Variants in AMD1 observed in about 807,000 individuals in gnomAD.
AMD1 encodes adenosylmethionine decarboxylase 1, also known as S-adenosylmethionine decarboxylase proenzyme.
A neutral mutation model predicts 40.2 loss-of-function variants in AMD1; 11 were observed. That is an observed-to-expected ratio of 0.27 (90% CI 0.17 to 0.45). The LOEUF is 0.45. AMD1 is among the 20% of genes least tolerant of loss of function. AMD1 has a pLI of 1.00. For synonymous variants in AMD1, 121 were observed against 130.8 expected (o/e 0.93, Z 0.51); for missense variants, 257 against 410.2 (o/e 0.63, Z 3.23).
intron 1 of AMD1, among the ~76,000 whole-genome samples, chr6:110,882,971 A>G (rs1314280078): frequency 2.0e-5 from 3 of 152,236 alleles, no homozygotes; most frequent in South Asian, 2.1e-4. Flanking sequence ...AATTAAAAAT[A>G]TATTAGTAAG....
Position 110,892,213 on chromosome 6 carries a change from A to T in AMD1, c.470+10A>T. 6.2e-7 allele frequency: 1 copy of T among 1,613,810 alleles called. No homozygotes were observed. Among genetic ancestry groups the T allele is most frequent in the East Asian group, 2.2e-5 (1 of 44,866 alleles). On this transcript the variant is annotated intron_variant, in intron 5 of 8. Coordinates refer to ENST00000368885, the MANE Select transcript of AMD1 (RefSeq NM_001634.6). ...TGAATTCTGACTGTTGGTATGTTTA[A>T]TGCAATTTTGTGGATTTTTGTTGTC... is the stretch of plus-strand genomic sequence containing the variant.
the AMD1 span, among the ~76,000 whole-genome samples, chr6:110,857,676 C>CAT: frequency 0.31 from 42,379 of 134,732 alleles, 7,212 homozygotes; most frequent in East Asian, 0.67. Flanking sequence ...ATACAGATGG[C>CAT]ATATATATAT....
chr6:110,834,832 C>A, the AMD1 span, among the ~76,000 whole-genome samples: 1 of 151,160 alleles, frequency 6.6e-6, no homozygotes, highest in Non-Finnish European at 1.5e-5. Flanking sequence ...GCCTGTAATC[C>A]CAGCTACTTG....
upstream of AMD1, among the ~76,000 whole-genome samples, chr6:110,873,940 A>C (rs1784968474): frequency 6.6e-6 from 1 of 152,250 alleles, no homozygotes; most frequent in African/African-American, 2.4e-5. Flanking sequence ...ATAAGTTCAG[A>C]TTATATTTAA....
At chr6:110,814,852 C>T in the AMD1 span, 10 of 947,184 alleles carry the variant, frequency 1.1e-5, no homozygotes, top group Non-Finnish European at 1.6e-5. Context: ...GCGGGCGGAA[C>T]GGGCGCCCCT....
At chr6:110,887,096 T>A (rs760049340) in intron 1 of AMD1, among the ~76,000 whole-genome samples, 2 of 152,182 alleles carry the variant, frequency 1.3e-5, no homozygotes, top group Non-Finnish European at 2.9e-5. Context: ...GGCTTTTAAA[T>A]TTCTATGCCA....
intron 3 of AMD1, 107 bp downstream of exon 3, chr6:110,889,090 C>A: frequency 7.4e-7 from 1 of 1,347,890 alleles, no homozygotes; most frequent in Non-Finnish European, 1.0e-6. Flanking sequence ...TGTTACAATG[C>A]ATGCAAACAC....
chr6:110,872,387 G>T (rs2115261759), upstream of AMD1, among the ~76,000 whole-genome samples: 1 of 152,226 alleles, frequency 6.6e-6, no homozygotes, highest in Non-Finnish European at 1.5e-5. Flanking sequence ...ACAATCAGAG[G>T]TATCTTAAGA....
intron 6 of AMD1, 45 bp from the exon 7 acceptor site, chr6:110,892,690 T>C (rs1264082063): frequency 6.3e-7 from 1 of 1,594,410 alleles, no homozygotes; most frequent in East Asian, 2.2e-5. Context: ...CAATTGAAGT[T>C]TATTTGTCAA....
the AMD1 span, chr6:110,814,788 G>A: frequency 1.0e-5 from 7 of 683,728 alleles, no homozygotes; most frequent in African/African-American, 1.8e-5. Flanking sequence ...CCGACGCCTC[G>A]GACCGGGCTG....
chr6:110,829,933 G>A, the AMD1 span, among the ~76,000 whole-genome samples: 2 of 152,112 alleles, frequency 1.3e-5, no homozygotes, highest in Admixed American at 6.6e-5. Context: ...TGGCTCAGAC[G>A]TGTTGTAAAT....
the AMD1 span, chr6:110,814,906 G>T: frequency 6.7e-7 from 1 of 1,487,326 alleles, no homozygotes; most frequent in Non-Finnish European, 9.2e-7. Context: ...CCTCCGCCTC[G>T]CCCCTCGGGC....
chr6:110,866,448 A>G, the AMD1 span, among the ~76,000 whole-genome samples: 2 of 152,206 alleles, frequency 1.3e-5, no homozygotes, highest in Non-Finnish European at 2.9e-5. Context: ...AACGAGCACA[A>G]GAGGAAAATC....
the AMD1 span, among the ~76,000 whole-genome samples, chr6:110,826,641 G>A: frequency 0.019 from 2,916 of 151,002 alleles, 100 homozygotes; most frequent in African/African-American, 0.068. Flanking sequence ...CCACATGGCC[G>A]TCTTCCCTCT....
the AMD1 span, chr6:110,864,420 T>C: frequency 1.9e-5 from 3 of 154,760 alleles, no homozygotes; most frequent in African/African-American, 7.2e-5. Context: ...CCAGTTAATG[T>C]TGATGAAGCT....
At chr6:110,827,444 T>G in the AMD1 span, among the ~76,000 whole-genome samples, 66 of 151,974 alleles carry the variant, frequency 4.3e-4, no homozygotes, top group Admixed American at 3.1e-3. Flanking sequence ...CACTGGGACC[T>G]CATGTTTTCT....
upstream of AMD1, among the ~76,000 whole-genome samples, chr6:110,872,815 G>A (rs1267211991): frequency 1.3e-5 from 2 of 151,958 alleles, no homozygotes; most frequent in South Asian, 2.1e-4. Flanking sequence ...AAATTGCACT[G>A]GGAAAAAAGC....
rs931918914 is a variant in AMD1 at position 110,892,990 on chromosome 6, C to G, written c.789C>G (p.Ser263=). Residue 263 remains serine (S), a synonymous_variant, in exon 8 of 9, where the codon TCC becomes TCG. Coordinates refer to ENST00000368885, the MANE Select transcript of AMD1 (RefSeq NM_001634.6). ...TTGAAACAAACTTAAGTCAGACCTC[C>G]TATGATGACCTGATCAGGAAAGTTG... ...VSFETNLSQT[S]YDDLIRKVVE... 8 of 1,613,892 alleles carry G rather than the reference C, an allele frequency of 5.0e-6. No homozygotes were observed. The African/African-American group carries it at 5.3e-5, about 11-fold the overall frequency.
the AMD1 span, among the ~76,000 whole-genome samples, chr6:110,867,224 T>C: frequency 2.0e-5 from 3 of 151,856 alleles, no homozygotes; most frequent in Admixed American, 2.0e-4. Context: ...CATAGCTCAC[T>C]GTAACCTCAA....
Sources: gnomAD v4.1 joint callset for allele counts (sites outside exome capture counted in the v4.1 genomes callset) on GRCh38, gnomAD v4.1.1 for gene constraint, MANE v1.5 for transcripts, NCBI Gene and HGNC (gene_info 2026-07-23, HGNC 2026-07-21) for gene names.